KSR2: variants seen among roughly 807,000 people sequenced by gnomAD.
The protein encoded by KSR2 is kinase suppressor of ras 2.
Under a neutral mutation model 107.8 loss-of-function variants are expected in KSR2, and 25 were observed. The ratio of observed to expected loss-of-function variants is 0.23; its 90% CI spans 0.17 to 0.32. KSR2 has a LOEUF of 0.32. KSR2 is among the 10% of genes least tolerant of loss of function. The pLI is 1.00. For missense variants in KSR2, 887 were observed against 1,268.9 expected (o/e 0.70, Z 4.57); for synonymous variants, 480 against 507.0 (o/e 0.95, Z 0.71).
At position 117,690,588 on chromosome 12, in the gene KSR2, G is replaced by GA. The variant is rs1885773426; in HGVS notation, c.987-22931dup. Among the ~76,000 whole-genome samples, 6 of 151,990 alleles carry GA rather than the reference G, an allele frequency of 3.9e-5. No homozygotes were observed. In the South Asian group the frequency reaches 1.3e-3, roughly 32 times the overall value. The stretch of plus-strand genomic sequence containing the variant: ...TCAAAAAAAAAGATAAAAGAATGGC[G>GA]AAAAAAATAAAACCTCACAGTCTTT... On this transcript the variant is annotated intron_variant, in intron 4 of 19. Transcript: ENST00000339824.
intron 3 of KSR2, among the ~76,000 whole-genome samples, chr12:117,848,792 ATGG>A (rs67276260): frequency 0.11 from 16,729 of 151,436 alleles, 2,297 homozygotes; most frequent in African/African-American, 0.32. Flanking sequence ...GTGGGTGGTG[ATGG>A]TGGTAACAAC....
At chr12:117,480,438 T>A (rs992680942) in intron 16 of KSR2, among the ~76,000 whole-genome samples, 2 of 152,160 alleles carry the variant, frequency 1.3e-5, no homozygotes, top group African/African-American at 4.8e-5. Context: ...ATTATGGTTA[T>A]TATGATTAAT....
chr12:117,529,731 A>T (rs1244019219), intron 12 of KSR2, among the ~76,000 whole-genome samples: 1 of 150,670 alleles, frequency 6.6e-6, no homozygotes, highest in Non-Finnish European at 1.5e-5. Flanking sequence ...AGACAGGTGC[A>T]GTGGCTCATG....
chr12:117,848,840 G>GGGTGGTGATGGTGGTAACAACA (rs1892810803), intron 3 of KSR2, among the ~76,000 whole-genome samples: 6 of 99,578 alleles, frequency 6.0e-5, no homozygotes, highest in Non-Finnish European at 1.5e-4. Context: ...TGGTAGTGGT[G>GGGTGGTGATGGTGGTAACAACA]GTGATGGTGA....
intron 3 of KSR2, among the ~76,000 whole-genome samples, chr12:117,772,478 G>T (rs1218258458): frequency 1.9e-5 from 2 of 103,852 alleles, no homozygotes; most frequent in Non-Finnish European, 3.9e-5. Context: ...CCCCAAAGAC[G>T]CACACACACT....
intron 1 of KSR2, among the ~76,000 whole-genome samples, chr12:117,964,383 T>C (rs1340173134): frequency 6.6e-6 from 1 of 152,234 alleles, no homozygotes. Flanking sequence ...CCCAAACTTA[T>C]TAACCACAGA....
chr12:117,848,029 T>C (rs1462927292), intron 3 of KSR2, among the ~76,000 whole-genome samples: 1 of 152,144 alleles, frequency 6.6e-6, no homozygotes, highest in Non-Finnish European at 1.5e-5. Context: ...TCTCCCATTA[T>C]CCTTACATAA....
At chr12:117,492,359 T>A (rs953983333) in intron 14 of KSR2, among the ~76,000 whole-genome samples, 5 of 152,220 alleles carry the variant, frequency 3.3e-5, no homozygotes, top group African/African-American at 4.8e-5. Flanking sequence ...GGGACAGAAG[T>A]CTGAATGCCT....
rs148236262 is a variant in KSR2 at position 117,734,210 on chromosome 12, G to C, written c.986+26801C>G. On this transcript the variant is annotated intron_variant, in intron 4 of 19. Coordinates refer to ENST00000339824, the MANE Select transcript of KSR2 (RefSeq NM_173598.6). ...GCAGGAGAATCACTTGAACCTGTGA[G>C]GTGGAGGTTGCAGTGAGCTGGCATT... is the stretch of plus-strand genomic sequence containing the variant. Among the ~76,000 whole-genome samples the C allele has an allele frequency of 4.0e-3, 606 of 151,416 alleles. 7 individuals are homozygous for C. The highest frequency in any genetic ancestry group is 0.014 in the African/African-American group (569 of 41,254).
intron 14 of KSR2, among the ~76,000 whole-genome samples, chr12:117,499,766 T>C (rs930045268): frequency 6.0e-5 from 9 of 150,836 alleles, no homozygotes; most frequent in African/African-American, 2.2e-4. Context: ...TACTGTTCAA[T>C]TTTTTTTTTC....
At chr12:117,926,387 C>A (rs1895519536) in intron 1 of KSR2, among the ~76,000 whole-genome samples, 1 of 152,180 alleles carries the variant, frequency 6.6e-6, no homozygotes, top group Non-Finnish European at 1.5e-5. Context: ...CAAAGCACCC[C>A]AAGGATGATG....
At chr12:117,906,179 C>T (rs1258453232) in intron 1 of KSR2, among the ~76,000 whole-genome samples, 2 of 151,838 alleles carry the variant, frequency 1.3e-5, no homozygotes, top group African/African-American at 2.4e-5. Context: ...GGCAAAACCC[C>T]ATCTCTACAA....
At chr12:117,673,336 G>A (rs1884991380) in intron 4 of KSR2, among the ~76,000 whole-genome samples, 1 of 152,088 alleles carries the variant, frequency 6.6e-6, no homozygotes, top group South Asian at 2.1e-4. Context: ...AGGAAGGGAG[G>A]ATGGGGGAGG....
chr12:117,816,593 A>G (rs1251728348), intron 3 of KSR2, among the ~76,000 whole-genome samples: 1 of 152,128 alleles, frequency 6.6e-6, no homozygotes, highest in East Asian at 1.9e-4. Context: ...CAGACCCTGG[A>G]CCCTAGCAGG....
intron 1 of KSR2, among the ~76,000 whole-genome samples, chr12:117,877,303 C>T (rs371127202): frequency 6.6e-6 from 1 of 152,072 alleles, no homozygotes; most frequent in East Asian, 1.9e-4. Context: ...CACCACTGCA[C>T]TCCAGCCTGG....
intron 3 of KSR2, among the ~76,000 whole-genome samples, chr12:117,772,112 C>T: frequency 6.7e-6 from 1 of 149,490 alleles, no homozygotes; most frequent in East Asian, 2.0e-4. Context: ...ACACACCTTT[C>T]CCCCAAAGAT....
At chr12:117,800,386 C>A (rs553702037) in intron 3 of KSR2, among the ~76,000 whole-genome samples, 11 of 152,142 alleles carry the variant, frequency 7.2e-5, no homozygotes, top group South Asian at 4.1e-4. Flanking sequence ...TTCTGCCCCC[C>A]CCAAAGCCTA....
At chr12:117,680,592 C>T (rs1020145344) in intron 4 of KSR2, among the ~76,000 whole-genome samples, 13 of 152,148 alleles carry the variant, frequency 8.5e-5, no homozygotes, top group African/African-American at 3.1e-4. Flanking sequence ...ACACCCCTCC[C>T]AACAATAGTG....
chr12:117,952,116 T>C (rs996563843), intron 1 of KSR2, among the ~76,000 whole-genome samples: 25 of 151,728 alleles, frequency 1.6e-4, no homozygotes, highest in Non-Finnish European at 3.1e-4. Context: ...CTATACTGCA[T>C]ACTTAAAATT....
Sources: gnomAD v4.1 joint callset for allele counts (sites outside exome capture counted in the v4.1 genomes callset) on GRCh38, gnomAD v4.1.1 for gene constraint, MANE v1.5 for transcripts, NCBI Gene and HGNC (gene_info 2026-07-23, HGNC 2026-07-21) for gene names.